TENM1: variants seen among roughly 807,000 people sequenced by gnomAD.
TENM1 encodes the protein teneurin transmembrane protein 1.
TENM1 carries 35 observed loss-of-function variants against 174.8 expected under a neutral mutation model. The observed-to-expected ratio is 0.20, with a 90% CI of 0.15 to 0.27. TENM1 has a LOEUF of 0.27. Among genes scored for constraint, TENM1 ranks in the 10% least tolerant of loss-of-function variants. The pLI is 1.00. For synonymous variants in TENM1, 781 were observed against 798.7 expected, an observed-to-expected ratio of 0.98 and a Z score of 0.37; for missense variants, 1,633 against 2,130.1, an observed-to-expected ratio of 0.77 and a Z score of 4.59.
chrX:125,104,194 A>G, the TENM1 span, among the ~76,000 whole-genome samples: 1 of 111,547 alleles, frequency 9.0e-6, no homozygotes, highest in Non-Finnish European at 1.9e-5. Flanking sequence ...GTACTTAACC[A>G]CTTTAAGGGT....
intron 11 of TENM1, among the ~76,000 whole-genome samples, chrX:124,614,041 G>T (rs2050338859): frequency 9.0e-6 from 1 of 111,623 alleles, no homozygotes; most frequent in Non-Finnish European, 1.9e-5. Flanking sequence ...GCGCCCCAAG[G>T]CTTGAAGGAT....
chrX:124,547,491 C>G (rs930945085), intron 14 of TENM1, among the ~76,000 whole-genome samples: 1 of 112,237 alleles, frequency 8.9e-6, no homozygotes, highest in Non-Finnish European at 1.9e-5. Context: ...TATGAGCACA[C>G]AATTAACAAG....
At chrX:125,105,396 C>T in the TENM1 span, among the ~76,000 whole-genome samples, 2 of 111,313 alleles carry the variant, frequency 1.8e-5, no homozygotes, top group Non-Finnish European at 3.8e-5. Context: ...CCTGACATCT[C>T]GTGAAGAGTA....
At chrX:125,125,875 T>C in the TENM1 span, among the ~76,000 whole-genome samples, 1 of 112,175 alleles carries the variant, frequency 8.9e-6, no homozygotes, top group Non-Finnish European at 1.9e-5. Context: ...TTCTTTACTT[T>C]CCAGCCAACA....
At chrX:124,802,618 C>G (rs1241922169) in intron 3 of TENM1, among the ~76,000 whole-genome samples, 2 of 111,559 alleles carry the variant, frequency 1.8e-5, no homozygotes, top group Non-Finnish European at 1.9e-5. Flanking sequence ...GTGGGTCACA[C>G]CAGCCGCCTA....
At chrX:124,687,142 C>T (rs865846925) in intron 5 of TENM1, among the ~76,000 whole-genome samples, 5 of 111,222 alleles carry the variant, frequency 4.5e-5, no homozygotes, top group Admixed American at 2.9e-4. Context: ...CATATAGCCA[C>T]GACAATCCTA....
the TENM1 span, among the ~76,000 whole-genome samples, chrX:125,158,977 G>C: frequency 9.0e-6 from 1 of 111,158 alleles, no homozygotes; most frequent in African/African-American, 3.3e-5. Context: ...GAAGGTTAGA[G>C]TCAGCTTCCA....
chrX:124,464,349 A>G (rs760640133), intron 22 of TENM1, among the ~76,000 whole-genome samples: 1 of 112,415 alleles, frequency 8.9e-6, no homozygotes, highest in East Asian at 2.8e-4. Context: ...CAAATACTCA[A>G]TAAAAGCAGG....
chrX:125,186,163 T>C, the TENM1 span, among the ~76,000 whole-genome samples: 2 of 111,239 alleles, frequency 1.8e-5, no homozygotes, highest in African/African-American at 6.6e-5. Context: ...TTACAATTTA[T>C]AAAAAAAATC....
exon 25 of TENM1, chrX:124,420,461 C>T: frequency 3.3e-6 from 4 of 1,212,098 alleles, no homozygotes; most frequent in Non-Finnish European, 4.5e-6. Flanking sequence ...TACTTGTCCG[C>T]CAGGCACCAC....
intron 20 of TENM1, among the ~76,000 whole-genome samples, chrX:124,493,554 G>A (rs1043818659): frequency 1.8e-5 from 2 of 111,479 alleles, no homozygotes; most frequent in African/African-American, 6.5e-5. Context: ...CAGTCTGGAT[G>A]ACTGGAAACA....
the TENM1 span, among the ~76,000 whole-genome samples, chrX:125,172,328 C>CCCA: frequency 4.5e-5 from 5 of 109,906 alleles, no homozygotes; most frequent in Admixed American, 3.9e-4. Context: ...CTCACCCCCC[C>CCCA]CCATTTTAAA....
chrX:124,607,220 T>C (rs2050179671), intron 11 of TENM1, among the ~76,000 whole-genome samples: 1 of 111,257 alleles, frequency 9.0e-6, no homozygotes, highest in Non-Finnish European at 1.9e-5. Context: ...TGTGTATGTG[T>C]ATGTGTAGGG....
At chrX:124,441,729 G>A (rs1464747099) in intron 23 of TENM1, among the ~76,000 whole-genome samples, 2 of 112,419 alleles carry the variant, frequency 1.8e-5, no homozygotes, top group African/African-American at 3.2e-5. Flanking sequence ...CCAGGCATGA[G>A]AACGGTGAAA....
chrX:124,421,206 C>T lies in TENM1; in HGVS notation c.4472-385G>A, dbSNP rs775512416. Among the ~76,000 whole-genome samples the T allele has an allele frequency of 3.6e-5, 4 of 112,052 alleles. No individual in the cohort carries two copies. In the South Asian group the frequency reaches 1.1e-3, roughly 31 times the overall value. On this transcript the variant is annotated intron_variant, in intron 24 of 31. Coordinates refer to ENST00000422452, the Ensembl canonical transcript of TENM1. ...TCTGTTTCAGGACTTTCCAGTCCTACTGTGCCTAGATGCCCTTTCTTCTGT... is the reference window on the plus strand; with the variant it reads ...TCTGTTTCAGGACTTTCCAGTCCTATTGTGCCTAGATGCCCTTTCTTCTGT...
At chrX:125,186,024 C>A in the TENM1 span, among the ~76,000 whole-genome samples, 1 of 110,952 alleles carries the variant, frequency 9.0e-6, no homozygotes, top group African/African-American at 3.3e-5. Context: ...GAACACTATT[C>A]AATTTCCTTT....
At chrX:124,704,519 T>C (rs1038263521) in intron 5 of TENM1, among the ~76,000 whole-genome samples, 6 of 112,211 alleles carry the variant, frequency 5.3e-5, no homozygotes, top group Non-Finnish European at 1.1e-4. Context: ...TGCAGTCATT[T>C]ACCTAGTGAA....
chrX:124,822,644 A>G (rs1009598613), intron 3 of TENM1, among the ~76,000 whole-genome samples: 2 of 111,952 alleles, frequency 1.8e-5, no homozygotes, highest in African/African-American at 6.5e-5. Flanking sequence ...CTTCTAGCAG[A>G]GCAAGCTTCC....
intron 1 of TENM1, among the ~76,000 whole-genome samples, chrX:124,917,805 T>C (rs2057952119): frequency 8.9e-6 from 1 of 112,035 alleles, no homozygotes; most frequent in Admixed American, 9.5e-5. Flanking sequence ...TACTAGTATA[T>C]TCACTGGGTT....
Sources: allele counts gnomAD v4.1 joint callset (sites outside exome capture counted in the v4.1 genomes callset), GRCh38; gene constraint gnomAD v4.1.1; transcripts MANE v1.5; gene names NCBI Gene and HGNC (gene_info 2026-07-23, HGNC 2026-07-21).